Variants in TUBGCP4 observed in about 807,000 individuals in gnomAD.
TUBGCP4 encodes tubulin gamma complex component 4, also known as gamma-tubulin complex component 4.
Under a neutral mutation model 91.6 loss-of-function variants are expected in TUBGCP4, and 54 were observed. The observed-to-expected ratio is 0.59, with a 90% CI of 0.47 to 0.74. TUBGCP4 has a LOEUF of 0.74. TUBGCP4 is among the 30% of genes least tolerant of loss of function. TUBGCP4 has a pLI of 0.00. For synonymous variants in TUBGCP4, 297 were observed against 302.8 expected (o/e 0.98, Z 0.20); for missense variants, 593 against 800.9 (o/e 0.74, Z 3.13).
At chr15:43,387,105 CATCTT>C (rs1290305543) in intron 9 of TUBGCP4, among the ~76,000 whole-genome samples, 3 of 152,194 alleles carry the variant, frequency 2.0e-5, no homozygotes, top group African/African-American at 7.2e-5. Context: ...TATACACAAT[CATCTT>C]ATGAGGAAAG....
intron 1 of TUBGCP4, among the ~76,000 whole-genome samples, chr15:43,375,355 T>G (rs1158744223): frequency 6.6e-6 from 1 of 152,236 alleles, no homozygotes; most frequent in Non-Finnish European, 1.5e-5. Flanking sequence ...AGTGTGAATG[T>G]TCTTCATACC....
chr15:43,377,034 CT>C lies in TUBGCP4; in HGVS notation c.352del (p.Ser118ProfsTer9). The C allele has an allele frequency of 3.1e-6, 5 of 1,614,058 alleles. No individual in the cohort carries two copies. The highest frequency in any genetic ancestry group is 4.2e-6 in the Non-Finnish European group (5 of 1,179,894). On this transcript the variant is annotated frameshift_variant, in exon 4 of 18. Coordinates refer to ENST00000564079, the MANE Select transcript of TUBGCP4 (RefSeq NM_014444.5). LOFTEE classifies it high-confidence loss of function. ...EQEFLGDPHL[S>X]ISHVNYFLDQ... ...TGCAGTTCCTGGGTGATCCCCATCT[CT>C]CCATATCACATGTCAACTACTTCCT...
chr15:43,390,598 C>T (rs2044450820), intron 9 of TUBGCP4, among the ~76,000 whole-genome samples: 1 of 151,240 alleles, frequency 6.6e-6, no homozygotes, highest in Admixed American at 6.6e-5. Context: ...CAGCCTCCAC[C>T]TCCCAGGTTC....
chr15:43,375,220 A>G (rs887518915), intron 1 of TUBGCP4, among the ~76,000 whole-genome samples: 10 of 152,222 alleles, frequency 6.6e-5, no homozygotes, highest in Non-Finnish European at 1.2e-4. Context: ...TTCCACTTAT[A>G]TGAGGTAGCT....
At chr15:43,403,498 T>G in intron 15 of TUBGCP4, 185 bp from the exon 16 acceptor site, 1 of 548,332 alleles carries the variant, frequency 1.8e-6, no homozygotes, top group Non-Finnish European at 3.3e-6. Context: ...AAAGGATGCA[T>G]TTGTTTTACG....
intron 13 of TUBGCP4, among the ~76,000 whole-genome samples, chr15:43,399,576 G>C (rs1470845275): frequency 6.6e-6 from 1 of 152,160 alleles, no homozygotes; most frequent in African/African-American, 2.4e-5. Context: ...GAACCCCTGA[G>C]CTTAAGTAAT....
chr15:43,395,408 G>A, intron 10 of TUBGCP4, 175 bp from the exon 11 acceptor site: 1 of 679,690 alleles, frequency 1.5e-6, no homozygotes, highest in South Asian at 1.8e-5. Flanking sequence ...ATACACACCA[G>A]TCATCCTGCT....
intron 13 of TUBGCP4, among the ~76,000 whole-genome samples, chr15:43,399,538 A>G (rs1222316850): frequency 6.6e-6 from 1 of 152,128 alleles, no homozygotes; most frequent in African/African-American, 2.4e-5. Flanking sequence ...TAGAGATGGC[A>G]TCTCACTATG....
intron 9 of TUBGCP4, among the ~76,000 whole-genome samples, chr15:43,388,819 A>T (rs1182292982): frequency 6.6e-6 from 1 of 152,238 alleles, no homozygotes; most frequent in African/African-American, 2.4e-5. Flanking sequence ...GCCTACAGCA[A>T]TGAAAAGCTG....
chr15:43,406,659 G>A lies in TUBGCP4; in HGVS notation c.*1445G>A, dbSNP rs1415436320. The A allele has an allele frequency of 2.2e-6, 1 of 453,424 alleles. No homozygotes were observed. Among genetic ancestry groups the A allele is most frequent in the Non-Finnish European group, 4.4e-6 (1 of 226,102 alleles). The allele number at this position is 453,424 out of a possible 1,614,324, so 28.1% of individuals were successfully genotyped here. On this transcript the variant is annotated 3_prime_UTR_variant, in exon 18 of 18. Transcript: ENST00000564079. The stretch of plus-strand genomic sequence containing the variant: ...GAGAAGCCATGCAGGGATCAGTGAT[G>A]CCAGAGGAAGGGAAGGAACTGCTTC...
In TUBGCP4 at chr15:43,406,359, C is replaced by G. The variant is rs947954900; in HGVS notation, c.*1145C>G. 7.3e-5 allele frequency: 23 copies of G among 315,066 alleles called. No homozygotes were observed. Among genetic ancestry groups the G allele is most frequent in the Non-Finnish European group, 4.4e-5 (7 of 159,012 alleles). 19.5% of individuals were successfully genotyped at this position (315,066 alleles called of 1,614,324 possible). On this transcript the variant is annotated 3_prime_UTR_variant, in exon 18 of 18. Coordinates refer to ENST00000564079, the MANE Select transcript of TUBGCP4 (RefSeq NM_014444.5). ...CATATTCTACACACACTGGGAAGCTCTGACAACTTATTCCCTGCTATTATC... is the reference window on the plus strand; with the variant it reads ...CATATTCTACACACACTGGGAAGCTGTGACAACTTATTCCCTGCTATTATC...
At position 43,395,078 on chromosome 15, in the gene TUBGCP4, T is replaced by C. The variant is rs149290572; in HGVS notation, c.1015-29T>C. 6.8e-4 allele frequency: 1,092 copies of C among 1,613,486 alleles called. 4 individuals are homozygous for C. In the African/African-American group the frequency reaches 0.013, roughly 19 times the overall value. On this transcript the variant is annotated intron_variant, in intron 9 of 17. Coordinates refer to ENST00000564079, the MANE Select transcript of TUBGCP4 (RefSeq NM_014444.5). ...CAGGAGTTCTCACTGTAATGAAATT[T>C]GTCCCTGTTTTGTTGGTTGTTTTCA...
rs557274346 is a variant in TUBGCP4 at position 43,409,513 on chromosome 15, T to G, written c.*4299T>G. 2.0e-4 allele frequency: 108 copies of G among 529,790 alleles called. No homozygotes were observed. The highest frequency in any genetic ancestry group is 1.8e-3 in the South Asian group (52 of 28,498). 32.8% of individuals were successfully genotyped at this position (529,790 alleles called of 1,614,324 possible). A position where few individuals can be genotyped will look rare whatever the true frequency, so the allele number is the denominator to read the frequency against. Reference sequence around the variant, plus strand: ...AAATTCTATTTCATGCAAAAACATTTTGGCAGTTTCTCAGTTCCTGAAATC... The same window carrying G: ...AAATTCTATTTCATGCAAAAACATTGTGGCAGTTTCTCAGTTCCTGAAATC... On this transcript the variant is annotated 3_prime_UTR_variant, in exon 18 of 18. Transcript: ENST00000564079.
At chr15:43,386,608 C>T (rs113674672) in intron 9 of TUBGCP4, among the ~76,000 whole-genome samples, 98 of 147,916 alleles carry the variant, frequency 6.6e-4, no homozygotes, top group African/African-American at 2.3e-3. Context: ...ACCTGTAGTC[C>T]CAGCTACTTA....
chr15:43,400,302 C>T, intron 14 of TUBGCP4, 81 bp downstream of exon 14: 2 of 1,130,860 alleles, frequency 1.8e-6, no homozygotes, highest in Non-Finnish European at 2.5e-6. Context: ...ATAGGGACTA[C>T]AAGTTTCTAT....
chr15:43,383,566 A>G (rs1271834857), intron 7 of TUBGCP4, 62 bp downstream of exon 7: 10 of 1,437,898 alleles, frequency 7.0e-6, no homozygotes, highest in Non-Finnish European at 9.3e-6. Context: ...ATGCACACAA[A>G]TGATCTTCTG....
intron 9 of TUBGCP4, chr15:43,394,409 C>T (rs1259641955): frequency 6.6e-6 from 1 of 152,052 alleles, no homozygotes; most frequent in Non-Finnish European, 1.5e-5. Context: ...ATGACTTGTC[C>T]CAGAAGTTGT....
In TUBGCP4 at chr15:43,376,642, A is replaced by G. The variant is rs1182255406; in HGVS notation, c.330+17A>G. The G allele has an allele frequency of 4.3e-6, 7 of 1,614,134 alleles. No individual in the cohort carries two copies. On this transcript the variant is annotated intron_variant, in intron 3 of 17. Transcript: ENST00000564079. The stretch of plus-strand genomic sequence containing the variant: ...GAACAAGAGGTAAGAAGGAGGAGAT[A>G]TAGGAAACACCTCTGGGACAGTAGA...
intron 17 of TUBGCP4, 48 bp downstream of exon 17, chr15:43,404,600 T>A: frequency 6.3e-7 from 1 of 1,599,640 alleles, no homozygotes; most frequent in Non-Finnish European, 8.5e-7. Context: ...AGGTGGCTTT[T>A]TAATGAGTTG....
Sources: gnomAD v4.1 joint callset for allele counts (sites outside exome capture counted in the v4.1 genomes callset) on GRCh38, gnomAD v4.1.1 for gene constraint, MANE v1.5 for transcripts, NCBI Gene and HGNC (gene_info 2026-07-23, HGNC 2026-07-21) for gene names.